REEP3: variants seen among roughly 807,000 people sequenced by gnomAD.
The protein encoded by REEP3 is receptor expression-enhancing protein 3.
Under a neutral mutation model 41.3 loss-of-function variants are expected in REEP3, and 20 were observed. The observed-to-expected ratio is 0.48, with a 90% CI of 0.34 to 0.70. REEP3 has a LOEUF of 0.70. Among genes scored for constraint, REEP3 ranks in the 30% least tolerant of loss-of-function variants. REEP3 has a pLI of 0.01. For missense variants in REEP3, 271 were observed against 308.8 expected, an observed-to-expected ratio of 0.88 and a Z score of 0.92; for synonymous variants, 104 against 101.8, an observed-to-expected ratio of 1.02 and a Z score of -0.13.
At chr10:63,560,800 T>G (rs1955733469) in intron 1 of REEP3, among the ~76,000 whole-genome samples, 1 of 152,230 alleles carries the variant, frequency 6.6e-6, no homozygotes, top group Admixed American at 6.5e-5. Flanking sequence ...TTACACACTG[T>G]GCTCATGCTT....
intron 5 of REEP3, 102 bp from the exon 6 acceptor site, chr10:63,610,085 C>A (rs933896774): frequency 9.7e-7 from 1 of 1,032,694 alleles, no homozygotes; most frequent in South Asian, 1.8e-5. Flanking sequence ...TTGTACAATT[C>A]TTTCAGCTTT....
chr10:63,601,811 C>G (rs1168307024), intron 5 of REEP3, among the ~76,000 whole-genome samples: 2 of 152,096 alleles, frequency 1.3e-5, no homozygotes, highest in Non-Finnish European at 2.9e-5. Flanking sequence ...GTCCCAGCTA[C>G]TCAGGAGGCC....
chr10:63,540,597 T>C (rs1307554271), intron 1 of REEP3, among the ~76,000 whole-genome samples: 1 of 152,164 alleles, frequency 6.6e-6, no homozygotes. Context: ...GACAGATGCT[T>C]TTTAGAATTG....
chr10:63,593,034 C>T (rs1404784018), intron 2 of REEP3, among the ~76,000 whole-genome samples: 1 of 152,050 alleles, frequency 6.6e-6, no homozygotes, highest in Non-Finnish European at 1.5e-5. Flanking sequence ...TAGGGAGGGG[C>T]CGGGCGCGGT....
chr10:63,539,804 A>T (rs1465633626), intron 1 of REEP3, among the ~76,000 whole-genome samples: 1 of 152,160 alleles, frequency 6.6e-6, no homozygotes, highest in East Asian at 1.9e-4. Flanking sequence ...ATTCTGATTT[A>T]ACTGATTTGG....
At chr10:63,556,623 T>TG (rs775490742) in intron 1 of REEP3, among the ~76,000 whole-genome samples, 2 of 974 alleles carry the variant, frequency 2.1e-3, no homozygotes, top group Non-Finnish European at 3.6e-3. Flanking sequence ...TGTTTTTTTT[T>TG]TTGTTGTTTT....
intron 1 of REEP3, among the ~76,000 whole-genome samples, chr10:63,549,310 G>C (rs1162918083): frequency 1.3e-5 from 2 of 152,242 alleles, no homozygotes. Context: ...GCTCATGCCT[G>C]TAATCCCAAC....
intron 1 of REEP3, among the ~76,000 whole-genome samples, chr10:63,564,894 A>G (rs1955782434): frequency 6.6e-6 from 1 of 152,226 alleles, no homozygotes; most frequent in African/African-American, 2.4e-5. Flanking sequence ...GAAATTAATC[A>G]AAAGGTTGTA....
intron 6 of REEP3, among the ~76,000 whole-genome samples, chr10:63,618,345 ATGCCATTCTCC>A (rs1392576200): frequency 1.4e-5 from 2 of 139,600 alleles, no homozygotes; most frequent in Non-Finnish European, 3.0e-5. Flanking sequence ...TCCCGGATTC[ATGCCATTCTCC>A]TGCCCCAGCT....
At chr10:63,598,207 T>C (rs1956134754) in intron 4 of REEP3, 63 bp downstream of exon 4, 3 of 1,233,778 alleles carry the variant, frequency 2.4e-6, no homozygotes, top group Non-Finnish European at 3.4e-6. Flanking sequence ...AGGCCAGGTG[T>C]GGTGGCTCAC....
chr10:63,562,094 T>C (rs968733110), intron 1 of REEP3, among the ~76,000 whole-genome samples: 1 of 152,174 alleles, frequency 6.6e-6, no homozygotes, highest in African/African-American at 2.4e-5. Flanking sequence ...TAGATGTCTC[T>C]AAACTGAAAA....
chr10:63,526,395 T>C (rs144782243), intron 1 of REEP3, among the ~76,000 whole-genome samples: 2,027 of 152,218 alleles, frequency 0.013, 30 homozygotes, highest in African/African-American at 0.034. Context: ...TATATATACT[T>C]CTTTTGAAGT....
chr10:63,552,433 A>G (rs1419562695), intron 1 of REEP3, among the ~76,000 whole-genome samples: 1 of 152,170 alleles, frequency 6.6e-6, no homozygotes, highest in Non-Finnish European at 1.5e-5. Flanking sequence ...AAGAAATATA[A>G]CATTGATGAA....
intron 1 of REEP3, among the ~76,000 whole-genome samples, chr10:63,529,967 C>T (rs1205259336): frequency 6.6e-6 from 1 of 150,776 alleles, no homozygotes; most frequent in Non-Finnish European, 1.5e-5. Context: ...TTAGTAGAGA[C>T]AGCGTTTCAC....
chr10:63,610,773 C>T (rs893419824), intron 6 of REEP3, among the ~76,000 whole-genome samples: 3 of 151,912 alleles, frequency 2.0e-5, no homozygotes, highest in Non-Finnish European at 4.4e-5. Flanking sequence ...CTTGCTAGGC[C>T]AGGCACAGTG....
chr10:63,612,072 TGA>T (rs1285043420), intron 6 of REEP3, among the ~76,000 whole-genome samples: 8 of 152,186 alleles, frequency 5.3e-5, no homozygotes, highest in Admixed American at 2.6e-4. Context: ...GTGATGCCTT[TGA>T]GAGAGAGGAA....
chr10:63,565,159 C>G (rs539754989), intron 1 of REEP3, among the ~76,000 whole-genome samples: 2 of 152,174 alleles, frequency 1.3e-5, no homozygotes, highest in African/African-American at 4.8e-5. Flanking sequence ...ACTCAGGAGC[C>G]TGAGGCAGGA....
At chr10:63,553,442 G>A (rs964181505) in intron 1 of REEP3, among the ~76,000 whole-genome samples, 50 of 151,986 alleles carry the variant, frequency 3.3e-4, no homozygotes, top group Admixed American at 2.0e-4. Flanking sequence ...AGTGATACCT[G>A]TTATTGTTTA....
At chr10:63,543,859 G>A (rs1351870503) in intron 1 of REEP3, among the ~76,000 whole-genome samples, 10 of 152,044 alleles carry the variant, frequency 6.6e-5, no homozygotes, top group Admixed American at 5.9e-4. Context: ...CGTGTGCCTG[G>A]CATTATTATA....
Sources: allele counts gnomAD v4.1 joint callset (sites outside exome capture counted in the v4.1 genomes callset), GRCh38; gene constraint gnomAD v4.1.1; transcripts MANE v1.5; gene names NCBI Gene and HGNC (gene_info 2026-07-23, HGNC 2026-07-21).